MGAT5: variants seen among roughly 807,000 people sequenced by gnomAD.
The protein encoded by MGAT5 is alpha-1,6-mannosylglycoprotein 6-beta-N-acetylglucosaminyltransferase A.
A neutral mutation model predicts 94.3 loss-of-function variants in MGAT5; 30 were observed. The ratio of observed to expected loss-of-function variants is 0.32; its 90% CI spans 0.24 to 0.43. The LOEUF (loss-of-function observed/expected upper bound fraction) is 0.43, where lower values mean the gene tolerates loss of function less well. Among genes scored for constraint, MGAT5 ranks in the 20% least tolerant of loss-of-function variants. MGAT5 has a pLI of 1.00. For missense variants in MGAT5, 691 were observed against 905.5 expected (o/e 0.76, Z 3.04); for synonymous variants, 310 against 322.9 (o/e 0.96, Z 0.43).
chr2:134,238,680 A>C (rs894418689), intron 1 of MGAT5, among the ~76,000 whole-genome samples: 1 of 152,226 alleles, frequency 6.6e-6, no homozygotes, highest in South Asian at 2.1e-4. Context: ...GTGGTGGCTC[A>C]CTCCTATAAT....
At chr2:134,187,168 G>A (rs1689084913) in intron 1 of MGAT5, among the ~76,000 whole-genome samples, 2 of 152,184 alleles carry the variant, frequency 1.3e-5, no homozygotes, top group South Asian at 4.1e-4. Context: ...TGCTGGGCAG[G>A]GCTCAGAATT....
chr2:134,417,278 C>T (rs1376168192), intron 12 of MGAT5, among the ~76,000 whole-genome samples: 1 of 152,128 alleles, frequency 6.6e-6, no homozygotes, highest in Non-Finnish European at 1.5e-5. Flanking sequence ...TACAAAACTA[C>T]AGTACAGTGG....
At chr2:134,191,373 A>G (rs1679130091) in intron 1 of MGAT5, among the ~76,000 whole-genome samples, 1 of 152,230 alleles carries the variant, frequency 6.6e-6, no homozygotes, top group African/African-American at 2.4e-5. Context: ...ACCCTCCTGA[A>G]TAGATGAATG....
chr2:134,252,394 G>A (rs1329062737), upstream of MGAT5, among the ~76,000 whole-genome samples: 4 of 152,222 alleles, frequency 2.6e-5, no homozygotes, highest in African/African-American at 7.2e-5. Flanking sequence ...ACAAGACAGA[G>A]GTTGAGCCTC....
intron 2 of MGAT5, among the ~76,000 whole-genome samples, chr2:134,277,939 A>G (rs1264142184): frequency 6.6e-6 from 1 of 152,216 alleles, no homozygotes; most frequent in African/African-American, 2.4e-5. Context: ...ATGTTTTGTC[A>G]ATAATCTCTT....
intron 1 of MGAT5, among the ~76,000 whole-genome samples, chr2:134,218,773 T>A (rs1376770524): frequency 6.6e-6 from 1 of 152,154 alleles, no homozygotes; most frequent in African/African-American, 2.4e-5. Flanking sequence ...GAGTTGCTGT[T>A]GAGTCTTATT....
chr2:134,286,233 C>G (rs746950935), intron 2 of MGAT5, among the ~76,000 whole-genome samples: 2 of 152,156 alleles, frequency 1.3e-5, no homozygotes, highest in Admixed American at 6.6e-5. Flanking sequence ...GCTTTCTGCC[C>G]TCCTGTGACA....
chr2:134,261,434 CTT>C (rs1353193890), intron 1 of MGAT5, among the ~76,000 whole-genome samples: 1 of 152,180 alleles, frequency 6.6e-6, no homozygotes, highest in Non-Finnish European at 1.5e-5. Flanking sequence ...TGGTGGCTCT[CTT>C]CTAGGACAAG....
chr2:134,235,541 G>A (rs113248369), intron 1 of MGAT5, among the ~76,000 whole-genome samples: 4 of 152,046 alleles, frequency 2.6e-5, no homozygotes, highest in South Asian at 2.1e-4. Context: ...TAACCCAATC[G>A]ACAGGGCCGG....
intron 15 of MGAT5, among the ~76,000 whole-genome samples, chr2:134,442,822 A>T (rs911568397): frequency 7.3e-6 from 1 of 137,626 alleles, no homozygotes; most frequent in Non-Finnish European, 1.6e-5. Flanking sequence ...CCCACCCACC[A>T]CCTTAGTAGC....
intron 10 of MGAT5, among the ~76,000 whole-genome samples, chr2:134,391,484 T>G (rs563628054): frequency 6.6e-6 from 1 of 152,320 alleles, no homozygotes; most frequent in Non-Finnish European, 1.5e-5. Flanking sequence ...GGTGCCACTA[T>G]GGTTGGGTTC....
intron 10 of MGAT5, among the ~76,000 whole-genome samples, chr2:134,386,806 T>C (rs953829533): frequency 6.6e-6 from 1 of 152,330 alleles, no homozygotes; most frequent in Non-Finnish European, 1.5e-5. Flanking sequence ...AAAGGGGATA[T>C]CTTTGCATTA....
intron 14 of MGAT5, among the ~76,000 whole-genome samples, chr2:134,438,790 C>G (rs1685313813): frequency 6.6e-6 from 1 of 152,144 alleles, no homozygotes; most frequent in Non-Finnish European, 1.5e-5. Flanking sequence ...TCCTGGGGCA[C>G]TCTGCTTACC....
intron 1 of MGAT5, among the ~76,000 whole-genome samples, chr2:134,126,844 T>C (rs1685859876): frequency 6.6e-6 from 1 of 152,046 alleles, no homozygotes; most frequent in Non-Finnish European, 1.5e-5. Flanking sequence ...AACTACTACC[T>C]TTCAACATAA....
chr2:134,190,727 C>T (rs952518124), intron 1 of MGAT5, among the ~76,000 whole-genome samples: 2 of 152,098 alleles, frequency 1.3e-5, no homozygotes, highest in African/African-American at 4.8e-5. Context: ...ACACTGCAGC[C>T]TCAACCTCCC....
In MGAT5 at chr2:134,341,583, T is replaced by C; in HGVS notation, c.808-7T>C. 1 of 1,611,278 alleles carries C rather than the reference T, an allele frequency of 6.2e-7. No homozygotes were observed. The highest frequency in any genetic ancestry group is 8.5e-7 in the Non-Finnish European group (1 of 1,178,666). ...TGTGAATCAGTATATGCCTCTTTGT[T>C]TTCCAGGTCCTCGTTCACCTGGGAC... On this transcript the variant is annotated splice_polypyrimidine_tract_variant and splice_region_variant and intron_variant, in intron 6 of 15. Transcript: ENST00000281923.
rs1424607327 is a variant in MGAT5 at position 134,448,914 on chromosome 2, G to GC, written c.*69dup. 6.6e-7 allele frequency: 1 copy of GC among 1,515,362 alleles called. No individual in the cohort carries two copies. Among genetic ancestry groups the GC allele is most frequent in the Non-Finnish European group, 9.0e-7 (1 of 1,110,196 alleles). 93.9% of individuals were successfully genotyped at this position (1,515,362 alleles called of 1,614,324 possible). A position where few individuals can be genotyped will look rare whatever the true frequency, so the allele number is the denominator to read the frequency against. ...AGTGGCCCCAGCCCCGTCAGGCAGG[G>GC]CCAGGGACAGAAGTCATGCAGGGAC... On this transcript the variant is annotated 3_prime_UTR_variant, in exon 16 of 16. Coordinates refer to ENST00000281923, the MANE Select transcript of MGAT5 (RefSeq NM_002410.5).
At chr2:134,314,040 A>T (rs1163327656) in intron 2 of MGAT5, among the ~76,000 whole-genome samples, 2 of 152,244 alleles carry the variant, frequency 1.3e-5, no homozygotes, top group African/African-American at 4.8e-5. Flanking sequence ...GATAGAAACA[A>T]AATGAGGAGC....
intron 1 of MGAT5, among the ~76,000 whole-genome samples, chr2:134,167,586 A>G (rs1473427846): frequency 1.3e-5 from 2 of 152,246 alleles, no homozygotes; most frequent in African/African-American, 2.4e-5. Context: ...TAAAGGAAAG[A>G]AACACAAGTA....
Sources: allele counts gnomAD v4.1 joint callset (sites outside exome capture counted in the v4.1 genomes callset), GRCh38; gene constraint gnomAD v4.1.1; transcripts MANE v1.5; gene names NCBI Gene and HGNC (gene_info 2026-07-23, HGNC 2026-07-21).